The following DUSP15 variants were observed in gnomAD, a reference collection of about 807,000 sequenced individuals.
The protein encoded by DUSP15 is dual specificity phosphatase 15.
DUSP15 carries 23 observed loss-of-function variants against 26.3 expected under a neutral mutation model. The ratio of observed to expected loss-of-function variants is 0.87; its 90% CI spans 0.63 to 1.24. The LOEUF (loss-of-function observed/expected upper bound fraction) is 1.24, where lower values mean the gene tolerates loss of function less well. Among genes scored for constraint, DUSP15 ranks in the 50% most tolerant of loss-of-function variants. The probability of loss-of-function intolerance (pLI) is 0.00; values close to 1 mark genes in which losing one functional copy is unlikely to be tolerated. For missense variants in DUSP15, 364 were observed against 320.6 expected (o/e 1.14, Z -1.03); for synonymous variants, 143 against 135.5 (o/e 1.06, Z -0.39).
downstream of DUSP15, among the ~76,000 whole-genome samples, chr20:31,856,256 G>A (rs2062561056): frequency 6.6e-6 from 1 of 152,200 alleles, no homozygotes; most frequent in African/African-American, 2.4e-5. Context: ...CTACAGTTGG[G>A]GAGGGGAGGG....
At chr20:31,864,616 G>T (rs2062728020) in intron 4 of DUSP15, 1 of 301,700 alleles carries the variant, frequency 3.3e-6, no homozygotes, top group African/African-American at 2.3e-5. Context: ...CAAGTAAATG[G>T]CAGAGCCTGG....
rs142073039 is a variant in DUSP15, at chr20:31,869,567, T to C, written c.52A>G (p.Ile18Val). 330 of 1,612,990 alleles carry C rather than the reference T, an allele frequency of 2.0e-4. No homozygotes were observed. In the African/African-American group the frequency reaches 3.5e-3, roughly 17 times the overall value. Residue 18 changes from isoleucine (I) to valine (V), a missense_variant, in exon 2 of 7, where the codon ATT becomes GTT. Transcript: ENST00000339738. ...VLPGLYLGNF[I>V]DAKDLDQLGR... ...GGACAGAGTGGGCAGTGCTCACCAA[T>C]GAAGTTTCCGAGGTAGAGTCCAGGA...
intron 4 of DUSP15, chr20:31,864,453 TC>T (rs2062725493): frequency 9.7e-7 from 1 of 1,035,050 alleles, no homozygotes; most frequent in African/African-American, 1.7e-5. Flanking sequence ...CAAACAAAAA[TC>T]CCGTTTTCTG....
chr20:31,855,960 A>T (rs1183965214), intron 6 of DUSP15, among the ~76,000 whole-genome samples: 1 of 152,164 alleles, frequency 6.6e-6, no homozygotes, highest in African/African-American at 2.4e-5. Context: ...TTATTTCCAT[A>T]GGTTTTGGGG....
downstream of DUSP15, among the ~76,000 whole-genome samples, chr20:31,846,231 C>T (rs2062375860): frequency 6.6e-6 from 1 of 151,318 alleles, no homozygotes; most frequent in South Asian, 2.1e-4. Context: ...CAGACACACA[C>T]ACAAGCACAT....
rs780692115 is a variant in DUSP15, at chr20:31,862,552, C to T, written c.435+19G>A. On this transcript the variant is annotated intron_variant, in intron 6 of 6. Transcript: ENST00000339738. ...ATCTCCCACCCCTGGCCCAACCCAGCCCTTGACCCCATCCCTACCTTCTGG... is the reference window on the plus strand; with the variant it reads ...ATCTCCCACCCCTGGCCCAACCCAGTCCTTGACCCCATCCCTACCTTCTGG... The T allele has an allele frequency of 1.9e-6, 3 of 1,586,130 alleles. No homozygotes were observed. In the African/African-American group the frequency reaches 4.0e-5, roughly 21 times the overall value.
chr20:31,865,088 C>T (rs1241436095), intron 3 of DUSP15, 86 bp from the exon 4 acceptor site: 4 of 1,469,154 alleles, frequency 2.7e-6, no homozygotes, highest in Non-Finnish European at 3.8e-6. Context: ...AGGGCATAAC[C>T]CCAGCCCAGT....
chr20:31,868,713 C>T (rs1212688053), intron 2 of DUSP15, among the ~76,000 whole-genome samples: 2 of 152,114 alleles, frequency 1.3e-5, no homozygotes, highest in African/African-American at 4.8e-5. Context: ...CTCCTGACCT[C>T]AGGTGGTCTG....
chr20:31,853,201 C>T (rs762324538), intron 6 of DUSP15, among the ~76,000 whole-genome samples: 1 of 151,984 alleles, frequency 6.6e-6, no homozygotes, highest in Non-Finnish European at 1.5e-5. Context: ...GGTTCCTGCT[C>T]TCAAGCCTAA....
Position 31,849,758 on chromosome 20 carries a change from G to C in DUSP15, c.608C>G (p.Pro203Arg), listed in dbSNP as rs1308636010. 8.4e-6 allele frequency: 13 copies of C among 1,539,882 alleles called. No individual in the cohort carries two copies. The Admixed American group carries it at 2.5e-4, about 30-fold the overall frequency. The change falls in exon 8 of 10, where the codon CCG becomes CGG. Residue 203 changes from proline (P) to arginine (R), a missense_variant. Coordinates refer to the DUSP15 transcript ENST00000278979. ...CGAACCTGCTGCAACGTGAGGTGGC[G>C]GCCCCAGCAGGCGCTCGGCGGCCGC...
exon 8 of DUSP15, chr20:31,849,818 C>G: frequency 6.5e-7 from 1 of 1,528,186 alleles, no homozygotes; most frequent in African/African-American, 1.4e-5. Context: ...GGCTGTGCGC[C>G]CGGTGGCTTC....
intron 6 of DUSP15, chr20:31,850,731 A>G (rs1040700562): frequency 6.4e-7 from 1 of 1,570,178 alleles, no homozygotes. Context: ...CCAGACCCAT[A>G]GATAAGGAGG....
exon 8 of DUSP15, chr20:31,849,746 A>G (rs2062433923): frequency 2.6e-6 from 4 of 1,540,472 alleles, no homozygotes; most frequent in Non-Finnish European, 3.5e-6. Flanking sequence ...ACCTGCTGCA[A>G]CGTGAGGTGG....
chr20:31,865,529 C>T (rs1283422599), intron 3 of DUSP15, among the ~76,000 whole-genome samples: 2 of 152,184 alleles, frequency 1.3e-5, no homozygotes. Context: ...TGATTAGCCA[C>T]ACAATATCAT....
At chr20:31,849,001 C>G (rs1241988944) in intron 8 of DUSP15, 2 of 981,480 alleles carry the variant, frequency 2.0e-6, no homozygotes, top group African/African-American at 3.3e-5. Flanking sequence ...TTTCCCATGC[C>G]CAAGTCCTGT....
chr20:31,846,621 G>A (rs972926666), downstream of DUSP15, among the ~76,000 whole-genome samples: 3 of 152,120 alleles, frequency 2.0e-5, no homozygotes, highest in Admixed American at 2.0e-4. Context: ...AGGCCTTGGG[G>A]CCACACCACT....
intron 8 of DUSP15, chr20:31,849,555 G>A (rs575723140): frequency 3.0e-6 from 3 of 1,013,952 alleles, no homozygotes; most frequent in African/African-American, 1.6e-5. Context: ...AGGAAGCCGC[G>A]TGTGTTCAGC....
chr20:31,845,766 C>T (rs1481464490), downstream of DUSP15: 7 of 605,454 alleles, frequency 1.2e-5, no homozygotes, highest in African/African-American at 3.7e-5. Flanking sequence ...AGTGGGAAGC[C>T]GAGCAGCTGC....
downstream of DUSP15, among the ~76,000 whole-genome samples, chr20:31,858,833 G>T (rs2062602365): frequency 6.6e-6 from 1 of 152,156 alleles, no homozygotes; most frequent in Middle Eastern, 3.2e-3. The surrounding 1 kb of genome is among the most constrained non-coding windows in gnomAD (Gnocchi z 4.4). Context: ...GCATACTCAT[G>T]ACCTCCATCC....
Sources: gnomAD v4.1 joint callset for allele counts (sites outside exome capture counted in the v4.1 genomes callset) on GRCh38, gnomAD v4.1.1 for gene constraint, Gnocchi (gnomAD v3.1) non-coding constraint, MANE v1.5 for transcripts, NCBI Gene and HGNC (gene_info 2026-07-23, HGNC 2026-07-21) for gene names.